GJB7: variants seen among roughly 807,000 people sequenced by gnomAD.
GJB7 encodes the protein gap junction protein beta 7.
For synonymous variants in GJB7, 87 were observed against 95.2 expected, an observed-to-expected ratio of 0.91 and a Z score of 0.50; for missense variants, 253 against 256.8, an observed-to-expected ratio of 0.99 and a Z score of 0.10.
At chr6:87,304,217 C>CA (rs1338634814) in intron 2 of GJB7, among the ~76,000 whole-genome samples, 7 of 152,030 alleles carry the variant, frequency 4.6e-5, no homozygotes, top group African/African-American at 1.7e-4. Flanking sequence ...AAAAACCCTT[C>CA]AAAAAATCAA....
chr6:87,319,673 G>A (rs1472616552), intron 2 of GJB7, among the ~76,000 whole-genome samples: 1 of 152,052 alleles, frequency 6.6e-6, no homozygotes, highest in South Asian at 2.1e-4. Context: ...CCTCAAGCCA[G>A]GTATATACCT....
intron 1 of GJB7, among the ~76,000 whole-genome samples, chr6:87,328,679 T>A (rs529012175): frequency 0.068 from 10,380 of 152,210 alleles, 730 homozygotes; most frequent in African/African-American, 0.18. Flanking sequence ...GACATTTAAG[T>A]CTGCAGAGGA....
At chr6:87,297,048 T>C (rs1212015710) in intron 2 of GJB7, among the ~76,000 whole-genome samples, 1 of 152,242 alleles carries the variant, frequency 6.6e-6, no homozygotes. Context: ...AAATACATTT[T>C]AACCATAATC....
intron 2 of GJB7, among the ~76,000 whole-genome samples, chr6:87,319,592 T>C (rs1776628604): frequency 6.6e-6 from 1 of 152,242 alleles, no homozygotes; most frequent in Non-Finnish European, 1.5e-5. Flanking sequence ...AGCTTTTTAA[T>C]TGAAATTTAA....
intron 2 of GJB7, among the ~76,000 whole-genome samples, chr6:87,321,377 CTA>C (rs1776658147): frequency 6.6e-6 from 1 of 152,078 alleles, no homozygotes; most frequent in Non-Finnish European, 1.5e-5. Context: ...TCAGGTCCCA[CTA>C]TGTGTCACGT....
chr6:87,305,222 G>T (rs571660581), intron 2 of GJB7, among the ~76,000 whole-genome samples: 1 of 152,272 alleles, frequency 6.6e-6, no homozygotes, highest in African/African-American at 2.4e-5. Flanking sequence ...ATTAGGAAAA[G>T]AGGAAGTCAA....
chr6:87,308,217 G>C lies in GJB7; in HGVS notation c.-28+14649C>G, dbSNP rs1055441266. ...CAGGAAGGGGAACATCACCCACCGG[G>C]GCCTGACATGGGGTCGGGGGAGGGG... is the stretch of plus-strand genomic sequence containing the variant. On this transcript the variant is annotated intron_variant, in intron 2 of 2. Coordinates refer to ENST00000525899, the MANE Select transcript of GJB7 (RefSeq NM_198568.3). 4.5e-4 allele frequency among the ~76,000 whole-genome samples: 67 copies of C among 150,240 alleles called. 1 individual carries two copies. Among genetic ancestry groups the C allele is most frequent in the African/African-American group, 1.6e-3 (66 of 40,998 alleles).
At chr6:87,309,139 T>C (rs1776479225) in intron 2 of GJB7, among the ~76,000 whole-genome samples, 1 of 152,192 alleles carries the variant, frequency 6.6e-6, no homozygotes, top group South Asian at 2.1e-4. Flanking sequence ...ACACACGTTG[T>C]TGCTGTCACA....
rs1034220475 is a variant in GJB7, at chr6:87,306,846, T to C, written c.-28+16020A>G. 4.6e-5 allele frequency among the ~76,000 whole-genome samples: 7 copies of C among 152,284 alleles called. No individual in the cohort carries two copies. The Middle Eastern group carries it at 0.014, about 296-fold the overall frequency. ...TACACCATGGAATATTATGCAGCCA[T>C]AAAAAATGATGAGTTCATGTCCTTT... On this transcript the variant is annotated intron_variant, in intron 2 of 2. Coordinates refer to ENST00000525899, the MANE Select transcript of GJB7 (RefSeq NM_198568.3).
chr6:87,307,193 A>G lies in GJB7; in HGVS notation c.-28+15673T>C, dbSNP rs535460290. On this transcript the variant is annotated intron_variant, in intron 2 of 2. Coordinates refer to ENST00000525899, the MANE Select transcript of GJB7 (RefSeq NM_198568.3). ...GTATAATAATAAAATTTAAAAAAAA[A>G]TTTTTAGCCAAAAAAAAAAAACTAT... 6.0e-5 allele frequency among the ~76,000 whole-genome samples: 9 copies of G among 149,774 alleles called. No homozygotes were observed. In the South Asian group the frequency reaches 1.9e-3, roughly 32 times the overall value.
chr6:87,323,359 G>A (rs1384801181), intron 1 of GJB7, among the ~76,000 whole-genome samples: 1 of 152,046 alleles, frequency 6.6e-6, no homozygotes, highest in Non-Finnish European at 1.5e-5. Context: ...GTGCCATGCT[G>A]GTGCGATGCA....
intron 2 of GJB7, among the ~76,000 whole-genome samples, chr6:87,296,899 G>A (rs886880439): frequency 6.6e-6 from 1 of 152,096 alleles, no homozygotes; most frequent in Non-Finnish European, 1.5e-5. Flanking sequence ...CTCTTTGCAG[G>A]GGCTGATCTT....
chr6:87,325,303 G>A (rs541724437), intron 1 of GJB7, among the ~76,000 whole-genome samples: 80 of 145,238 alleles, frequency 5.5e-4, no homozygotes, highest in African/African-American at 1.9e-3. Flanking sequence ...CCAACACTAT[G>A]TTGAATAGGA....
At chr6:87,304,064 G>A (rs954637064) in intron 2 of GJB7, among the ~76,000 whole-genome samples, 2 of 152,126 alleles carry the variant, frequency 1.3e-5, no homozygotes, top group Non-Finnish European at 2.9e-5. Context: ...ATGCCCACAA[G>A]AGAAAGCAGG....
intron 2 of GJB7, among the ~76,000 whole-genome samples, chr6:87,317,097 G>A (rs1776594548): frequency 6.6e-6 from 1 of 151,776 alleles, no homozygotes; most frequent in Non-Finnish European, 1.5e-5. Context: ...GCTCATGCCT[G>A]TAATCTCAGC....
intron 2 of GJB7, among the ~76,000 whole-genome samples, chr6:87,301,792 C>T (rs1038129706): frequency 1.1e-4 from 17 of 152,360 alleles, no homozygotes; most frequent in African/African-American, 4.1e-4. Context: ...TAGGGGCAGA[C>T]TGACACCTCA....
chr6:87,302,518 T>C (rs1248064103), intron 2 of GJB7, among the ~76,000 whole-genome samples: 1 of 152,114 alleles, frequency 6.6e-6, no homozygotes, highest in Admixed American at 6.5e-5. Flanking sequence ...CCAAGAAATA[T>C]GGGACTATGT....
chr6:87,299,191 A>C, intron 2 of GJB7: 1 of 449,062 alleles, frequency 2.2e-6, no homozygotes, highest in Admixed American at 2.4e-5. Context: ...GTGTGATGTT[A>C]GCTGTTGATG....
intron 2 of GJB7, among the ~76,000 whole-genome samples, chr6:87,289,395 G>A (rs1031198299): frequency 1.3e-5 from 2 of 152,204 alleles, no homozygotes; most frequent in East Asian, 1.9e-4. Flanking sequence ...AAGCAAAAAT[G>A]TAGAATGCAC....
Sources: gnomAD v4.1 joint callset for allele counts (sites outside exome capture counted in the v4.1 genomes callset) on GRCh38, gnomAD v4.1.1 for gene constraint, MANE v1.5 for transcripts, NCBI Gene and HGNC (gene_info 2026-07-23, HGNC 2026-07-21) for gene names.